MEST: variants seen among roughly 807,000 people sequenced by gnomAD.
The protein encoded by MEST is mesoderm-specific transcript homolog protein.
In MEST, 18 loss-of-function variants were observed where a neutral mutation model predicts 50.9. The observed-to-expected ratio is 0.35, with a 90% CI of 0.24 to 0.52. The LOEUF is 0.52. MEST is among the 20% of genes least tolerant of loss of function. MEST has a pLI of 0.94. For synonymous variants in MEST, 130 were observed against 154.1 expected, an observed-to-expected ratio of 0.84 and a Z score of 1.16; for missense variants, 282 against 425.3, an observed-to-expected ratio of 0.66 and a Z score of 2.96.
chr7:130,488,666 G>T (rs1554434367), upstream of MEST: 2 of 152,360 alleles, frequency 1.3e-5, no homozygotes. Flanking sequence ...GATATGTTGG[G>T]TGAAGATCCA....
In MEST at chr7:130,497,271, T is replaced by TA. The variant is rs1554437279; in HGVS notation, c.261+42dup. ...CAGACTTCTACGTCCTACTATGTCTTAAAAAATCTCGGCCGGGCGCGGGGG... is the reference window on the plus strand; with the variant it reads ...CAGACTTCTACGTCCTACTATGTCTTAAAAAAATCTCGGCCGGGCGCGGGGG... On this transcript the variant is annotated intron_variant, in intron 3 of 11. Transcript: ENST00000223215. This position sits in a 1 kb window ranked among gnomAD's most constrained non-coding sequence, Gnocchi z 4.0. 2.5e-6 allele frequency: 4 copies of TA among 1,582,134 alleles called. No individual in the cohort carries two copies. The highest frequency in any genetic ancestry group is 3.5e-6 in the Non-Finnish European group (4 of 1,158,632).
At chr7:130,488,451 T>A (rs1159987664), upstream of MEST, 1 of 152,272 alleles carries the variant, frequency 6.6e-6, no homozygotes, top group East Asian at 1.9e-4. Flanking sequence ...CAAGGCTTCT[T>A]TTCTTCAAAC....
At chr7:130,491,397 CG>C (rs1798806370), upstream of MEST, 1 of 152,318 alleles carries the variant, frequency 6.6e-6, no homozygotes, top group Non-Finnish European at 1.5e-5. The surrounding 1 kb of genome is among the most constrained non-coding windows in gnomAD (Gnocchi z 6.8). Context: ...ACCTGCCCCG[CG>C]CAGCGGCGGT....
Position 130,497,634 on chromosome 7 carries a change from T to C in MEST, c.262-302T>C, listed in dbSNP as rs1008016723. 2.0e-5 allele frequency: 7 copies of C among 355,736 alleles called. No individual in the cohort carries two copies. The highest frequency in any genetic ancestry group is 1.0e-4 in the African/African-American group (5 of 47,948). 22.0% of individuals were successfully genotyped at this position (355,736 alleles called of 1,614,324 possible). On this transcript the variant is annotated intron_variant, in intron 3 of 11. Transcript: ENST00000223215. This position sits in a 1 kb window ranked among gnomAD's most constrained non-coding sequence, Gnocchi z 4.0. ...TCAGCACCAGAAGGCTCTTGCACAT[T>C]TGAATTGCTTTTAAAAAAACATTAA... is the stretch of plus-strand genomic sequence containing the variant.
In MEST at chr7:130,500,745, G is replaced by A; in HGVS notation, c.648-44G>A. The A allele has an allele frequency of 6.6e-7, 1 of 1,526,626 alleles. No homozygotes were observed. The highest frequency in any genetic ancestry group is 9.0e-7 in the Non-Finnish European group (1 of 1,116,046). 94.6% of individuals were successfully genotyped at this position (1,526,626 alleles called of 1,614,324 possible). ...AGGTTCCAGCCATATTGAACATTCT[G>A]AGTTCTCCTCACACTTATCTTCCTG... On this transcript the variant is annotated intron_variant, in intron 8 of 11. Transcript: ENST00000223215. This position sits in a 1 kb window ranked among gnomAD's most constrained non-coding sequence, Gnocchi z 5.0.
chr7:130,497,719 G>C lies in MEST; in HGVS notation c.262-217G>C. 1 of 586,472 alleles carries C rather than the reference G, an allele frequency of 1.7e-6. No individual in the cohort carries two copies. Among genetic ancestry groups the C allele is most frequent in the East Asian group, 2.9e-5 (1 of 34,768 alleles). The allele number at this position is 586,472 out of a possible 1,614,324, so 36.3% of individuals were successfully genotyped here. Reference sequence around the variant, plus strand: ...AACAACTCCTTGGCACTCTGGAAGGGATCACTGCCAAGTTACCCTCCCTCA... The same window carrying C: ...AACAACTCCTTGGCACTCTGGAAGGCATCACTGCCAAGTTACCCTCCCTCA... On this transcript the variant is annotated intron_variant, in intron 3 of 11. Transcript: ENST00000223215. The surrounding 1 kb of genome is among the most constrained non-coding windows in gnomAD (Gnocchi z 4.0).
chr7:130,504,091 T>C, intron 11 of MEST, 95 bp downstream of exon 11: 1 of 942,224 alleles, frequency 1.1e-6, no homozygotes, highest in Non-Finnish European at 1.7e-6. Flanking sequence ...CTCTAGCCAT[T>C]GTCTTTAACC....
intron 1 of MEST, among the ~76,000 whole-genome samples, chr7:130,493,525 G>C (rs1275490332): frequency 6.6e-6 from 1 of 152,126 alleles, no homozygotes; most frequent in African/African-American, 2.4e-5. Context: ...ACAAAAAATG[G>C]CCCCCTGAGA....
chr7:130,496,224 T>A (rs41272366), intron 2 of MEST: 8,985 of 450,364 alleles, frequency 0.02, 145 homozygotes, highest in South Asian at 0.043. Context: ...GTATACAATT[T>A]TTATTATGTT....
rs1554438292 is a variant in MEST, at chr7:130,500,548, A to C, written c.647+16A>C. The C allele has an allele frequency of 1.2e-6, 2 of 1,609,246 alleles. No individual in the cohort carries two copies. Among genetic ancestry groups the C allele is most frequent in the South Asian group, 2.2e-5 (2 of 90,192 alleles). ...TCTCTCGAGGGTAAGTGTCACTGTC[A>C]AAGATTGTGGCCTAGAGCAATGTCG... On this transcript the variant is annotated intron_variant, in intron 8 of 11. Coordinates refer to ENST00000223215, the MANE Select transcript of MEST (RefSeq NM_002402.4). The surrounding 1 kb of genome is among the most constrained non-coding windows in gnomAD (Gnocchi z 5.0).
rs187962117 is a variant in MEST, at chr7:130,498,619, A to G, written c.535+142A>G. ...GATCTCTACCTCTTCTGTGCCATCAACTCCTTTGGTGGTCTGACAAGATTT... is the reference window on the plus strand; with the variant it reads ...GATCTCTACCTCTTCTGTGCCATCAGCTCCTTTGGTGGTCTGACAAGATTT... On this transcript the variant is annotated intron_variant, in intron 6 of 11. Transcript: ENST00000223215. 40 of 751,852 alleles carry G rather than the reference A, an allele frequency of 5.3e-5. No individual in the cohort carries two copies. The Admixed American group carries it at 6.6e-4, about 12-fold the overall frequency. The allele number at this position is 751,852 out of a possible 1,614,324, so 46.6% of individuals were successfully genotyped here. A position where few individuals can be genotyped will look rare whatever the true frequency, so the allele number is the denominator to read the frequency against.
At chr7:130,490,958 G>GTGCAGAGT (rs1276181000), upstream of MEST, 3 of 152,266 alleles carry the variant, frequency 2.0e-5, no homozygotes, top group Non-Finnish European at 4.4e-5. Flanking sequence ...ACCTTTCGGG[G>GTGCAGAGT]TGCAGAGTTG....
chr7:130,489,203 A>G (rs950019277), upstream of MEST: 17 of 152,316 alleles, frequency 1.1e-4, no homozygotes, highest in Non-Finnish European at 1.6e-4. Context: ...TTTCTACATG[A>G]ATTTTTGCAC....
intron 6 of MEST, among the ~76,000 whole-genome samples, chr7:130,499,114 A>G (rs1799180911): frequency 6.6e-6 from 1 of 152,196 alleles, no homozygotes; most frequent in African/African-American, 2.4e-5. Context: ...ATGTTAAGTG[A>G]GGACTTAACT....
In MEST at chr7:130,492,421, G is replaced by A. The variant is rs1388542272; in HGVS notation, c.26+82G>A. On this transcript the variant is annotated intron_variant, in intron 1 of 11. Transcript: ENST00000223215. The surrounding 1 kb of genome is among the most constrained non-coding windows in gnomAD (Gnocchi z 7.6). ...GGCGAGCGGAGGACTGTGTGCCCGT[G>A]TCCGAGCTGGGGCTGCCTCTGGGCG... The A allele has an allele frequency of 5.2e-6, 6 of 1,161,060 alleles. No individual in the cohort carries two copies. Among genetic ancestry groups the A allele is most frequent in the African/African-American group, 3.2e-5 (2 of 63,106 alleles). The allele number at this position is 1,161,060 out of a possible 1,614,324, so 71.9% of individuals were successfully genotyped here.
Position 130,500,845 on chromosome 7 carries a change from T to C in MEST, c.704T>C (p.Met235Thr). The C allele has an allele frequency of 1.9e-6, 3 of 1,614,000 alleles. No individual in the cohort carries two copies. The highest frequency in any genetic ancestry group is 1.6e-4 in the Middle Eastern group (1 of 6,062). The change falls in exon 9 of 12, where the codon ATG becomes ACG. Residue 235 changes from methionine (M) to threonine (T), a missense_variant. Met to Thr is a moderately conservative substitution (Grantham distance 81). Coordinates refer to ENST00000223215, the MANE Select transcript of MEST (RefSeq NM_002402.4). This position sits in a 1 kb window ranked among gnomAD's most constrained non-coding sequence, Gnocchi z 5.0. ...CCCTCTGAGAGTGAGCTGTGGGACA[T>C]GTGGGCAGGGATCCGCAACAATGAC... ...TRPSESELWD[M>T]WAGIRNNDGN...
rs1584943546 is a variant in MEST, at chr7:130,496,043, A to C, written c.181+521A>C. ...TTCATTGTTTAATCTTTACAACAGCATTTGGAGATAGGTGCCATTAACCTC... is the reference window on the plus strand; with the variant it reads ...TTCATTGTTTAATCTTTACAACAGCCTTTGGAGATAGGTGCCATTAACCTC... On this transcript the variant is annotated intron_variant, in intron 2 of 11. Transcript: ENST00000223215. 3 of 464,834 alleles carry C rather than the reference A, an allele frequency of 6.5e-6. No homozygotes were observed. In the East Asian group the frequency reaches 2.1e-4, roughly 33 times the overall value. 28.8% of individuals were successfully genotyped at this position (464,834 alleles called of 1,614,324 possible).
chr7:130,503,359 T>A (rs1799348107), intron 10 of MEST, among the ~76,000 whole-genome samples: 1 of 152,214 alleles, frequency 6.6e-6, no homozygotes, highest in South Asian at 2.1e-4. Context: ...ATATCCCATT[T>A]GGTCCAGGGT....
chr7:130,498,651 C>T (rs921189951), intron 6 of MEST, 174 bp downstream of exon 6: 2 of 636,794 alleles, frequency 3.1e-6, no homozygotes, highest in African/African-American at 3.7e-5. Flanking sequence ...ATTTATGGAC[C>T]CTTTCTCAGA....
Sources: allele counts gnomAD v4.1 joint callset (sites outside exome capture counted in the v4.1 genomes callset), GRCh38; gene constraint gnomAD v4.1.1; non-coding constraint Gnocchi (gnomAD v3.1); transcripts MANE v1.5; gene names NCBI Gene and HGNC (gene_info 2026-07-23, HGNC 2026-07-21).